The following IAH1 variants were observed in gnomAD, a reference collection of about 807,000 sequenced individuals.
The protein encoded by IAH1 is isoamyl acetate hydrolyzing esterase 1 (putative), also known as isoamyl acetate-hydrolyzing esterase 1 homolog.
IAH1 carries 24 observed loss-of-function variants against 26.7 expected under a neutral mutation model. The observed-to-expected ratio is 0.90, with a 90% CI of 0.65 to 1.26. The LOEUF (loss-of-function observed/expected upper bound fraction) is 1.26, where lower values mean the gene tolerates loss of function less well. Ranked by LOEUF, IAH1 falls within the 50% of genes most tolerant of loss-of-function variation. The probability of loss-of-function intolerance (pLI) is 0.00; values close to 1 mark genes in which losing one functional copy is unlikely to be tolerated. For missense variants in IAH1, 300 were observed against 299.9 expected, an observed-to-expected ratio of 1.00 and a Z score of 0.00; for synonymous variants, 140 against 118.5, an observed-to-expected ratio of 1.18 and a Z score of -1.18.
At chr2:9,478,444 AC>A in intron 3 of IAH1, 74 bp downstream of exon 3, 1 of 1,351,146 alleles carries the variant, frequency 7.4e-7, no homozygotes, top group South Asian at 1.5e-5. Context: ...CATTTAATAT[AC>A]TTTTTTCAAC....
At chr2:9,494,812 T>G (rs767461269) in exon 6 of IAH1, 1 of 1,605,494 alleles carries the variant, frequency 6.2e-7, no homozygotes, top group Non-Finnish European at 8.5e-7. Context: ...TTCTGAGACC[T>G]GCCTCTCCTC....
chr2:9,501,321 G>C (rs1662991108), downstream of IAH1, among the ~76,000 whole-genome samples: 5 of 152,272 alleles, frequency 3.3e-5, no homozygotes, highest in South Asian at 1.0e-3. Context: ...GTAATTCCAA[G>C]CGTTGGCCAG....
At chr2:9,480,743 G>C (rs1343248619) in intron 3 of IAH1, 1 of 152,628 alleles carries the variant, frequency 6.6e-6, no homozygotes, top group Non-Finnish European at 1.5e-5. Flanking sequence ...AGCCTATCTA[G>C]AAAATACTCC....
Position 9,481,423 on chromosome 2 carries a change from T to C in IAH1, c.421T>C (p.Trp141Arg). 6.2e-7 allele frequency: 1 copy of C among 1,614,114 alleles called. No homozygotes were observed. Among genetic ancestry groups the C allele is most frequent in the Non-Finnish European group, 8.5e-7 (1 of 1,180,018 alleles). The change falls in exon 4 of 6, where the codon TGG becomes CGG. Residue 141 changes from tryptophan to arginine, a missense_variant. Trp to Arg is a moderately radical substitution (Grantham distance 101, BLOSUM62 -3). Transcript: ENST00000497473. ...ITPTPLCETA[W>R]EEQCIIQGCK... ...GCCGACCCCACTTTGTGAAACAGCC[T>C]GGGAAGAACAGTGCATCATACAAGG...
chr2:9,489,744 A>C (rs1572866131), downstream of IAH1: 1 of 151,226 alleles, frequency 6.6e-6, no homozygotes, highest in Non-Finnish European at 1.5e-5. Flanking sequence ...AAAAAAAAAA[A>C]AAAAACTATT....
chr2:9,504,751 ACT>A, the IAH1 span, among the ~76,000 whole-genome samples: 2 of 143,546 alleles, frequency 1.4e-5, no homozygotes, highest in Non-Finnish European at 3.0e-5. Flanking sequence ...ACAGAGCAAG[ACT>A]CTGTCTCAGG....
chr2:9,511,822 C>T, the IAH1 span, among the ~76,000 whole-genome samples: 3 of 151,594 alleles, frequency 2.0e-5, no homozygotes, highest in Non-Finnish European at 4.4e-5. Flanking sequence ...AATATAAAAC[C>T]TAGCCAGGCA....
chr2:9,487,049 T>C (rs1226857761), intron 5 of IAH1, among the ~76,000 whole-genome samples: 2 of 151,836 alleles, frequency 1.3e-5, no homozygotes, highest in Non-Finnish European at 2.9e-5. Flanking sequence ...CTGGGCAACA[T>C]AATGAGAGAC....
At chr2:9,505,647 C>A in the IAH1 span, 1 of 409,226 alleles carries the variant, frequency 2.4e-6, no homozygotes, top group Non-Finnish European at 4.6e-6. Flanking sequence ...CCAAACATCC[C>A]AGTCAAAGCC....
downstream of IAH1, chr2:9,490,969 A>C: frequency 2.6e-6 from 2 of 776,332 alleles, no homozygotes; most frequent in Admixed American, 5.1e-5. Flanking sequence ...AAACATTCCA[A>C]CCTAGACCCT....
chr2:9,490,119 G>A, downstream of IAH1: 1 of 1,417,006 alleles, frequency 7.1e-7, no homozygotes, highest in Non-Finnish European at 9.6e-7. Flanking sequence ...TGATTGATTT[G>A]TAGGTCAAAT....
chr2:9,482,188 C>A (rs1661223450), intron 4 of IAH1, among the ~76,000 whole-genome samples: 1 of 151,918 alleles, frequency 6.6e-6, no homozygotes, highest in Non-Finnish European at 1.5e-5. Flanking sequence ...ACCACCACGC[C>A]CGGCTAATTT....
chr2:9,493,863 A>G (rs745487876), downstream of IAH1: 4 of 1,537,152 alleles, frequency 2.6e-6, no homozygotes, highest in African/African-American at 5.5e-5. Context: ...TCATTCCCAA[A>G]CACAATGTAT....
At chr2:9,503,837 C>CAA in the IAH1 span, among the ~76,000 whole-genome samples, 564 of 124,690 alleles carry the variant, frequency 4.5e-3, 7 homozygotes, top group African/African-American at 0.011. Flanking sequence ...GACTCCGTCT[C>CAA]AAAAAAAAAA....
At chr2:9,475,924 C>A in intron 1 of IAH1, 63 bp from the exon 2 acceptor site, 1 of 1,433,858 alleles carries the variant, frequency 7.0e-7, no homozygotes, top group Non-Finnish European at 9.8e-7. Context: ...CCAATCAGAA[C>A]TGCCCTCGCT....
chr2:9,489,292 G>C lies in IAH1; in HGVS notation c.*963G>C, dbSNP rs1661884506. The stretch of plus-strand genomic sequence containing the variant: ...TTTTTTTTTTTTTTTTTGAGGCAGA[G>C]TCTCACTCTGTCACCCAGGCTGGAG... On this transcript the variant is annotated 3_prime_UTR_variant, in exon 6 of 6. Coordinates refer to ENST00000497473, the MANE Select transcript of IAH1 (RefSeq NM_001039613.3). The C allele has an allele frequency of 8.7e-6, 1 of 114,858 alleles. No homozygotes were observed. The highest frequency in any genetic ancestry group is 1.6e-5 in the Non-Finnish European group (1 of 63,952). 7.1% of individuals were successfully genotyped at this position (114,858 alleles called of 1,614,324 possible).
chr2:9,475,808 C>T (rs1479497201), intron 1 of IAH1, 179 bp from the exon 2 acceptor site: 3 of 617,696 alleles, frequency 4.9e-6, no homozygotes, highest in Non-Finnish European at 8.8e-6. Flanking sequence ...AGAAAAATCC[C>T]CCTCTGCTAA....
At chr2:9,500,318 A>G (rs113568865), downstream of IAH1, among the ~76,000 whole-genome samples, 8 of 152,354 alleles carry the variant, frequency 5.3e-5, no homozygotes, top group African/African-American at 1.9e-4. Context: ...ACGAAACCAT[A>G]TTGTATAATT....
chr2:9,482,628 C>T (rs1056665595), intron 4 of IAH1, among the ~76,000 whole-genome samples: 12 of 152,190 alleles, frequency 7.9e-5, no homozygotes, highest in Non-Finnish European at 1.3e-4. Flanking sequence ...TCAAATCCAG[C>T]AAGTGTGACT....
Sources: gnomAD v4.1 joint callset for allele counts (sites outside exome capture counted in the v4.1 genomes callset) on GRCh38, gnomAD v4.1.1 for gene constraint, MANE v1.5 for transcripts, NCBI Gene and HGNC (gene_info 2026-07-23, HGNC 2026-07-21) for gene names.